Variants in IKZF3 observed in about 807,000 individuals in gnomAD.
IKZF3 encodes IKAROS family zinc finger 3.
IKZF3 carries 10 observed loss-of-function variants against 49.0 expected under a neutral mutation model. The ratio of observed to expected loss-of-function variants is 0.20; its 90% confidence interval spans 0.13 to 0.35. The LOEUF (loss-of-function observed/expected upper bound fraction) is 0.35, where lower values mean the gene tolerates loss of function less well. IKZF3 is among the 10% of genes least tolerant of loss of function. The pLI is 1.00. For synonymous variants in IKZF3, 209 were observed against 228.2 expected (o/e 0.92, Z 0.76); for missense variants, 498 against 664.8 (o/e 0.75, Z 2.76).
At chr17:39,778,655 G>C (rs2060651925) in intron 6 of IKZF3, among the ~76,000 whole-genome samples, 1 of 152,070 alleles carries the variant, frequency 6.6e-6, no homozygotes, top group Non-Finnish European at 1.5e-5. Flanking sequence ...TACAAAATTA[G>C]CCTGGTGTGA....
chr17:39,831,802 T>C (rs2062116167), intron 2 of IKZF3, among the ~76,000 whole-genome samples: 1 of 152,184 alleles, frequency 6.6e-6, no homozygotes, highest in South Asian at 2.1e-4. Context: ...CAAGCTACTA[T>C]ATTATTCAAC....
At chr17:39,774,686 G>A (rs1331629265) in intron 7 of IKZF3, among the ~76,000 whole-genome samples, 1 of 152,116 alleles carries the variant, frequency 6.6e-6, no homozygotes, top group Non-Finnish European at 1.5e-5. Context: ...CCCAAAACAA[G>A]AATACCATAT....
In IKZF3 at chr17:39,759,884, T is replaced by G. The variant is rs2060141204; in HGVS notation, c.*5906A>C. The G allele has an allele frequency of 6.6e-6, 1 of 152,218 alleles. No individual in the cohort carries two copies. The highest frequency in any genetic ancestry group is 2.4e-5 in the African/African-American group (1 of 41,444). The allele number at this position is 152,218 out of a possible 1,614,324, so 9.4% of individuals were successfully genotyped here. On this transcript the variant is annotated 3_prime_UTR_variant, in exon 8 of 8. Coordinates refer to ENST00000346872, the MANE Select transcript of IKZF3 (RefSeq NM_012481.5). ...ATGAGGTATCACTATATATCGGGTT[T>G]TTTTCTTCTGTTCCTGGTGCTAACT...
chr17:39,767,712 C>A lies in IKZF3; in HGVS notation c.827-1219G>T, dbSNP rs1049701556. 7.9e-5 allele frequency among the ~76,000 whole-genome samples: 12 copies of A among 152,136 alleles called. No homozygotes were observed. The East Asian group carries it at 2.3e-3, about 29-fold the overall frequency. ...ACCAGTTCCTGTTCTTGAGGTGTCT[C>A]CAACCTAGTGGATGAGAAATAAGAC... On this transcript the variant is annotated intron_variant, in intron 7 of 7. Transcript: ENST00000346872.
At chr17:39,775,792 T>C (rs944589898) in intron 7 of IKZF3, among the ~76,000 whole-genome samples, 6 of 151,792 alleles carry the variant, frequency 4.0e-5, no homozygotes, top group Non-Finnish European at 8.8e-5. Context: ...GGCATGGTGG[T>C]GCATGCCTGT....
At position 39,758,854 on chromosome 17, in the gene IKZF3, AGTATGATCTT is replaced by A. The variant is rs1453104037; in HGVS notation, c.*6926_*6935del. On this transcript the variant is annotated 3_prime_UTR_variant, in exon 8 of 8. Transcript: ENST00000346872. ...TGTAAAGGAATTGCTATTATGATCT[AGTATGATCTT>A]GGGATATTTTTCATGTCTTTAAATT... 1.4e-5 allele frequency: 2 copies of A among 147,266 alleles called. No individual in the cohort carries two copies. Among genetic ancestry groups the A allele is most frequent in the Non-Finnish European group, 3.0e-5 (2 of 67,152 alleles). 9.1% of individuals were successfully genotyped at this position (147,266 alleles called of 1,614,324 possible). A position where few individuals can be genotyped will look rare whatever the true frequency, so the allele number is the denominator to read the frequency against.
intron 1 of IKZF3, among the ~76,000 whole-genome samples, chr17:39,854,468 C>T (rs894685966): frequency 9.9e-5 from 15 of 151,976 alleles, no homozygotes; most frequent in African/African-American, 3.4e-4. Context: ...AATTCCAATC[C>T]TAGATAAATT....
intron 3 of IKZF3, among the ~76,000 whole-genome samples, chr17:39,805,476 C>G (rs1211044174): frequency 6.6e-6 from 1 of 152,160 alleles, no homozygotes; most frequent in African/African-American, 2.4e-5. Flanking sequence ...AATTAGAAGA[C>G]TCTTGTTCTT....
At chr17:39,850,872 CATATATAAT>C (rs2062843691) in intron 1 of IKZF3, among the ~76,000 whole-genome samples, 1 of 97,844 alleles carries the variant, frequency 1.0e-5, no homozygotes, top group African/African-American at 3.7e-5. Flanking sequence ...AGTATATATA[CATATATAAT>C]ATACTCTATA....
intron 1 of IKZF3, among the ~76,000 whole-genome samples, chr17:39,837,041 C>T (rs922952567): frequency 2.0e-5 from 3 of 152,092 alleles, no homozygotes; most frequent in Admixed American, 2.0e-4. Flanking sequence ...AAGCAATCCT[C>T]CCACCTCAGC....
rs2062048187 is a variant in IKZF3, at chr17:39,829,449, G to A, written c.101C>T (p.Ser34Phe). 3 of 1,613,862 alleles carry A rather than the reference G, an allele frequency of 1.9e-6. No individual in the cohort carries two copies. The highest frequency in any genetic ancestry group is 4.5e-5 in the East Asian group (2 of 44,888). ...AVLNDYSLTK[S>F]HEMENVDSGE... Reference sequence around the variant, plus strand: ...ACTGTCCACATTTTCCATTTCATGAGATTTGGTTAAACTGTAGTCATTCAA... The same window carrying A: ...ACTGTCCACATTTTCCATTTCATGAAATTTGGTTAAACTGTAGTCATTCAA... The change falls in exon 3 of 8, where the codon TCT becomes TTT. Residue 34 changes from serine (S) to phenylalanine (F), a missense_variant. By Grantham distance (155) the Ser-to-Phe change is radical. Transcript: ENST00000346872.
intron 1 of IKZF3, among the ~76,000 whole-genome samples, chr17:39,853,091 A>T (rs8069531): frequency 0.093 from 14,140 of 152,064 alleles, 1,354 homozygotes; most frequent in African/African-American, 0.25. Context: ...TTACTCTCCA[A>T]ATTAGCATTC....
At chr17:39,829,714 G>A (rs560573958) in intron 2 of IKZF3, among the ~76,000 whole-genome samples, 81 of 152,126 alleles carry the variant, frequency 5.3e-4, no homozygotes, top group African/African-American at 1.7e-3. Context: ...CACTTTGGGA[G>A]GCCGAGATGG....
chr17:39,857,031 C>T (rs769809488), intron 1 of IKZF3, among the ~76,000 whole-genome samples: 7 of 151,966 alleles, frequency 4.6e-5, no homozygotes, highest in Middle Eastern at 3.2e-3. Context: ...CAAGTTAGCC[C>T]GTGAAGCACC....
chr17:39,800,953 A>C (rs1213411145), intron 3 of IKZF3, among the ~76,000 whole-genome samples: 1 of 152,186 alleles, frequency 6.6e-6, no homozygotes, highest in Non-Finnish European at 1.5e-5. Flanking sequence ...TGGCAAACAG[A>C]ATAGACAACT....
chr17:39,778,072 G>A (rs1414712474), intron 6 of IKZF3: 1 of 1,035,302 alleles, frequency 9.7e-7, no homozygotes, highest in South Asian at 4.2e-5. Context: ...CAAAAAGATA[G>A]ATAGATGGAG....
At chr17:39,777,575 T>TAGGA in intron 7 of IKZF3, 76 bp downstream of exon 7, 1 of 990,318 alleles carries the variant, frequency 1.0e-6, no homozygotes, top group Admixed American at 2.0e-5. Flanking sequence ...AGGAAAGGCC[T>TAGGA]TGTGTAGCAA....
At chr17:39,855,217 T>G (rs2063001707) in intron 1 of IKZF3, among the ~76,000 whole-genome samples, 1 of 152,156 alleles carries the variant, frequency 6.6e-6, no homozygotes, top group Non-Finnish European at 1.5e-5. Flanking sequence ...CATAAGATTT[T>G]GGTATAAACG....
At chr17:39,826,525 C>T (rs1368913457) in intron 3 of IKZF3, among the ~76,000 whole-genome samples, 1 of 152,146 alleles carries the variant, frequency 6.6e-6, no homozygotes, top group Non-Finnish European at 1.5e-5. Flanking sequence ...GGGCAATGGC[C>T]AACAGCCTGG....
Sources: allele counts gnomAD v4.1 joint callset (sites outside exome capture counted in the v4.1 genomes callset), GRCh38; gene constraint gnomAD v4.1.1; transcripts MANE v1.5; gene names NCBI Gene and HGNC (gene_info 2026-07-23, HGNC 2026-07-21).